SOS1: variants seen among roughly 807,000 people sequenced by gnomAD.
The protein encoded by SOS1 is SOS Ras/Rac guanine nucleotide exchange factor 1.
A neutral mutation model predicts 157.6 loss-of-function variants in SOS1; 25 were observed. The observed-to-expected ratio is 0.16, with a 90% confidence interval of 0.12 to 0.22. SOS1 has a LOEUF of 0.22. SOS1 is among the 10% of genes least tolerant of loss of function. The pLI, the probability that SOS1 is intolerant of heterozygous loss-of-function variation, is 1.00. For synonymous variants in SOS1, 528 were observed against 534.0 expected, an observed-to-expected ratio of 0.99 and a Z score of 0.16; for missense variants, 1,237 against 1,599.1, an observed-to-expected ratio of 0.77 and a Z score of 3.86.
rs189109845 is a variant in SOS1 at position 39,120,318 on chromosome 2, G to T, written c.87+18C>A. On this transcript the variant is annotated intron_variant, in intron 1 of 22. Coordinates refer to ENST00000402219, the MANE Select transcript of SOS1 (RefSeq NM_005633.4). ...TGGGGGGCTGCGGCCGGGAAGCGGGGTCCCGCGTGCTCCTCACCTTTTTCA... is the reference window on the plus strand; with the variant it reads ...TGGGGGGCTGCGGCCGGGAAGCGGGTTCCCGCGTGCTCCTCACCTTTTTCA... 3.2e-6 allele frequency: 5 copies of T among 1,562,012 alleles called. No homozygotes were observed. The African/African-American group carries it at 6.9e-5, about 22-fold the overall frequency.
chr2:39,074,856 A>C (rs1208749121), intron 1 of SOS1, among the ~76,000 whole-genome samples: 1 of 151,748 alleles, frequency 6.6e-6, no homozygotes. Flanking sequence ...AACAAGAGCA[A>C]AAGTCTGCCT....
intron 1 of SOS1, among the ~76,000 whole-genome samples, chr2:39,090,154 A>C (rs1223034340): frequency 1.3e-5 from 2 of 151,196 alleles, no homozygotes; most frequent in African/African-American, 4.9e-5. Context: ...AAAAAAAAAA[A>C]AAACACTCTG....
intron 1 of SOS1, among the ~76,000 whole-genome samples, chr2:39,106,386 C>T (rs994838961): frequency 2.6e-5 from 4 of 151,694 alleles, no homozygotes; most frequent in African/African-American, 4.8e-5. Context: ...GTCAGGAGAT[C>T]GAGACCATCC....
At chr2:38,989,895 A>G (rs533930060) in intron 20 of SOS1, among the ~76,000 whole-genome samples, 7 of 152,058 alleles carry the variant, frequency 4.6e-5, no homozygotes, top group Non-Finnish European at 8.8e-5. Flanking sequence ...CTCATTTTAC[A>G]TAGGAAATTC....
At chr2:39,109,459 A>G (rs937526948) in intron 1 of SOS1, among the ~76,000 whole-genome samples, 5 of 152,148 alleles carry the variant, frequency 3.3e-5, no homozygotes, top group Non-Finnish European at 7.4e-5. Flanking sequence ...TGAGCTCCTC[A>G]GCTTAAAGTA....
chr2:39,124,546 C>G (rs1001962567), upstream of SOS1, among the ~76,000 whole-genome samples: 1 of 152,272 alleles, frequency 6.6e-6, no homozygotes, highest in Non-Finnish European at 1.5e-5. Context: ...CCTGCAGGTG[C>G]AAGTGCAACG....
intron 1 of SOS1, among the ~76,000 whole-genome samples, chr2:39,079,581 A>G (rs1672133173): frequency 1.6e-5 from 2 of 124,216 alleles, no homozygotes; most frequent in African/African-American, 6.4e-5. Flanking sequence ...TGCAACCTCC[A>G]CCTCCTGGGT....
In SOS1 at chr2:39,035,483, T is replaced by C; in HGVS notation, c.882A>G (p.Pro294=). 6.2e-7 allele frequency: 1 copy of C among 1,610,062 alleles called. No individual in the cohort carries two copies. The highest frequency in any genetic ancestry group is 8.5e-7 in the Non-Finnish European group (1 of 1,176,352). Residue 294 remains proline (P), a synonymous_variant, in exon 7 of 23, where the codon CCA becomes CCG. Transcript: ENST00000402219. The part of the protein sequence containing the change: ...EDLAEELAFD[P]YESYARDILR... ...AAATATCTCGAGCATACGATTCATA[T>C]GGATCAAATGCCAGTTCCTTAGAAA...
intron 1 of SOS1, among the ~76,000 whole-genome samples, chr2:39,112,146 T>G (rs186204587): frequency 2.3e-4 from 35 of 152,054 alleles, no homozygotes; most frequent in Middle Eastern, 3.4e-3. Context: ...TATATACCCT[T>G]ACTTCCTCTC....
At chr2:39,061,797 A>G (rs1405817784) in intron 2 of SOS1, among the ~76,000 whole-genome samples, 1 of 152,220 alleles carries the variant, frequency 6.6e-6, no homozygotes, top group Non-Finnish European at 1.5e-5. Flanking sequence ...TTTGTATTAA[A>G]TGAGAAACTC....
At chr2:39,012,721 T>C (rs866390758) in intron 13 of SOS1, among the ~76,000 whole-genome samples, 33 of 152,208 alleles carry the variant, frequency 2.2e-4, no homozygotes, top group Admixed American at 5.2e-4. Context: ...TTTATAAGGA[T>C]AGATTATACA....
At chr2:39,080,098 T>C (rs960235454) in intron 1 of SOS1, among the ~76,000 whole-genome samples, 1 of 152,046 alleles carries the variant, frequency 6.6e-6, no homozygotes, top group Admixed American at 6.6e-5. Flanking sequence ...CATTGTAATA[T>C]ATAATAAAAT....
Position 39,120,111 on chromosome 2 carries a change from C to T in SOS1, c.87+225G>A, listed in dbSNP as rs184731028. ...TTCACCTCTCAGGGGTTGGATTATCCGGATAAACTCCCCCCGGCTCCCTGC... is the reference window on the plus strand; with the variant it reads ...TTCACCTCTCAGGGGTTGGATTATCTGGATAAACTCCCCCCGGCTCCCTGC... On this transcript the variant is annotated intron_variant, in intron 1 of 22. Transcript: ENST00000402219. Among the ~76,000 whole-genome samples the T allele has an allele frequency of 1.6e-3, 246 of 152,252 alleles. 2 individuals carry two copies. Among genetic ancestry groups the T allele is most frequent in the Non-Finnish European group, 3.0e-3 (205 of 67,998 alleles).
chr2:39,069,161 CACAGGGA>C (rs1424227086), intron 1 of SOS1, among the ~76,000 whole-genome samples: 1 of 124,682 alleles, frequency 8.0e-6, no homozygotes, highest in Non-Finnish European at 1.6e-5. Context: ...GCCTAAGCAA[CACAGGGA>C]AAACCTGTCT....
chr2:39,094,501 C>T (rs1672703099), intron 1 of SOS1, among the ~76,000 whole-genome samples: 1 of 151,988 alleles, frequency 6.6e-6, no homozygotes. Context: ...CAAAAATTAG[C>T]CAGGTGTGGT....
In SOS1 at chr2:39,006,445, T is replaced by C; in HGVS notation, c.2758A>G (p.Arg920Gly). 6.3e-7 allele frequency: 1 copy of C among 1,589,872 alleles called. No individual in the cohort carries two copies. Among genetic ancestry groups the C allele is most frequent in the Non-Finnish European group, 8.6e-7 (1 of 1,158,198 alleles). ...GGCACACATGGTGGATTAATAGACC[T>C]GAGTTTTGCCAAATATTTCTTATAG... The part of the protein sequence containing the change: ...DHYKKYLAKL[R>G]SINPPCVPFF... The change falls in exon 17 of 23, where the codon AGG becomes GGG. Residue 920 changes from arginine (R) to glycine (G), a missense_variant. Around this residue, in one of 15 missense-constraint regions of SOS1, gnomAD observed 105 missense variants for 236.0 expected, o/e 0.44. Transcript: ENST00000402219.
intron 8 of SOS1, among the ~76,000 whole-genome samples, chr2:39,024,738 AG>A (rs916103271): frequency 2.0e-5 from 3 of 152,154 alleles, no homozygotes; most frequent in Non-Finnish European, 2.9e-5. Context: ...GCCTACTTTT[AG>A]GGGTTGTTAT....
intron 6 of SOS1, among the ~76,000 whole-genome samples, chr2:39,042,966 G>C (rs1357543776): frequency 1.3e-5 from 2 of 151,882 alleles, no homozygotes; most frequent in Non-Finnish European, 2.9e-5. Flanking sequence ...TAATTATATT[G>C]ACTACAAATA....
At chr2:39,012,088 T>C (rs1669490395) in intron 14 of SOS1, 38 bp downstream of exon 14, 1 of 1,430,264 alleles carries the variant, frequency 7.0e-7, no homozygotes, top group Non-Finnish European at 9.9e-7. Flanking sequence ...GTTAACTCTT[T>C]TGAAATGACT....
Sources: gnomAD v4.1 joint callset for allele counts (sites outside exome capture counted in the v4.1 genomes callset) on GRCh38, gnomAD v4.1.1 for gene constraint, gnomAD v4.1.1 regional missense constraint, MANE v1.5 for transcripts, NCBI Gene and HGNC (gene_info 2026-07-23, HGNC 2026-07-21) for gene names.